PPP2R2C: variants seen among roughly 807,000 people sequenced by gnomAD.
The protein encoded by PPP2R2C is protein phosphatase 2 regulatory subunit Bgamma.
PPP2R2C carries 10 observed loss-of-function variants against 45.3 expected under a neutral mutation model. The ratio of observed to expected loss-of-function variants is 0.22; its 90% CI spans 0.14 to 0.37. The LOEUF (loss-of-function observed/expected upper bound fraction) is 0.37. PPP2R2C is among the 10% of genes least tolerant of loss of function. The probability of loss-of-function intolerance (pLI) is 1.00; values close to 1 mark genes in which losing one functional copy is unlikely to be tolerated. For missense variants in PPP2R2C, 308 were observed against 619.7 expected, an observed-to-expected ratio of 0.50 and a Z score of 5.34; for synonymous variants, 257 against 245.4, an observed-to-expected ratio of 1.05 and a Z score of -0.44.
intron 2 of PPP2R2C, among the ~76,000 whole-genome samples, chr4:6,478,237 C>A (rs1722229829): frequency 6.6e-6 from 1 of 152,164 alleles, no homozygotes; most frequent in Admixed American, 6.5e-5. Flanking sequence ...ATTGAATGGC[C>A]ACAGGGGAGG....
intron 1 of PPP2R2C, among the ~76,000 whole-genome samples, chr4:6,415,367 C>T (rs1191364145): frequency 1.3e-5 from 2 of 152,242 alleles, no homozygotes; most frequent in East Asian, 3.8e-4. Context: ...ATGCTTGCTT[C>T]ACTGTTTCTG....
At chr4:6,356,958 C>T (rs901362441) in intron 5 of PPP2R2C, among the ~76,000 whole-genome samples, 2 of 150,852 alleles carry the variant, frequency 1.3e-5, no homozygotes, top group Admixed American at 6.6e-5. Flanking sequence ...TCTGCTGTGG[C>T]ACCTCGGGCC....
At chr4:6,383,089 G>A (rs2109318324) in intron 1 of PPP2R2C, 11 of 1,092,392 alleles carry the variant, frequency 1.0e-5, no homozygotes, top group East Asian at 8.5e-5. Context: ...CCTGCAGAAC[G>A]GCAATTCGAC....
intron 7 of PPP2R2C, 106 bp downstream of exon 7, chr4:6,333,456 T>C: frequency 2.3e-6 from 3 of 1,303,056 alleles, no homozygotes; most frequent in South Asian, 1.4e-5. Context: ...TTCACCTACA[T>C]ACCGGGCATA....
At chr4:6,515,279 G>A (rs947551815) in intron 2 of PPP2R2C, among the ~76,000 whole-genome samples, 7 of 152,136 alleles carry the variant, frequency 4.6e-5, no homozygotes, top group East Asian at 1.9e-4. Flanking sequence ...TTTGACAACC[G>A]AACACTCTCA....
In PPP2R2C at chr4:6,469,131, A is replaced by C. The variant is rs552250822; in HGVS notation, c.70+3029T>G. 1.9e-4 allele frequency among the ~76,000 whole-genome samples: 29 copies of C among 151,154 alleles called. 1 individual carries two copies. The South Asian group carries it at 6.1e-3, about 32-fold the overall frequency. The stretch of plus-strand genomic sequence containing the variant: ...ATCCAACCTGCTCTGACGAATTCAC[A>C]CCAAGATGTGAATGACTAACAAAAC... On this transcript the variant is annotated intron_variant, in intron 1 of 8. Transcript: ENST00000382599.
intron 6 of PPP2R2C, among the ~76,000 whole-genome samples, chr4:6,342,177 T>C (rs1312296651): frequency 6.6e-6 from 1 of 151,852 alleles, no homozygotes; most frequent in Non-Finnish European, 1.5e-5. Context: ...AAGTTAGGTA[T>C]GTCACAAATG....
chr4:6,517,432 G>A (rs980996945), intron 2 of PPP2R2C, among the ~76,000 whole-genome samples: 2 of 152,144 alleles, frequency 1.3e-5, no homozygotes, highest in African/African-American at 2.4e-5. Flanking sequence ...GCAATGATAA[G>A]AGGGACTACT....
chr4:6,519,288 C>T (rs1723938818), intron 2 of PPP2R2C, among the ~76,000 whole-genome samples: 1 of 152,162 alleles, frequency 6.6e-6, no homozygotes, highest in Non-Finnish European at 1.5e-5. Flanking sequence ...CCCACGGCAC[C>T]TAGGAAAGAA....
intron 1 of PPP2R2C, among the ~76,000 whole-genome samples, chr4:6,390,951 G>A (rs1322430840): frequency 6.6e-6 from 1 of 152,184 alleles, no homozygotes; most frequent in Non-Finnish European, 1.5e-5. Context: ...GTGGAGATGG[G>A]GCAGCTCCCA....
chr4:6,441,762 G>A lies in PPP2R2C; in HGVS notation c.70+30398C>T, dbSNP rs560899506. On this transcript the variant is annotated intron_variant, in intron 1 of 8. Transcript: ENST00000382599. ...GGTGCTGTAGAAAGGAGGGGATGGG[G>A]CCCAGCCACACACATGCAACACGAT... Among the ~76,000 whole-genome samples the A allele has an allele frequency of 2.0e-5, 3 of 152,280 alleles. No homozygotes were observed. The South Asian group carries it at 6.2e-4, about 32-fold the overall frequency.
At chr4:6,511,441 ACGGTGG>A in intron 2 of PPP2R2C, among the ~76,000 whole-genome samples, 1 of 75,420 alleles carries the variant, frequency 1.3e-5, no homozygotes, top group Non-Finnish European at 2.8e-5. Flanking sequence ...GGTGGTGGTG[ACGGTGG>A]TGGTGGTGAT....
At chr4:6,337,188 G>C (rs1733048158) in intron 6 of PPP2R2C, among the ~76,000 whole-genome samples, 1 of 117,702 alleles carries the variant, frequency 8.5e-6, no homozygotes, top group Admixed American at 1.1e-4. Flanking sequence ...TTAAGCCAAA[G>C]AAGGATCAAC....
At chr4:6,542,781 A>G (rs1283007287) in intron 1 of PPP2R2C, among the ~76,000 whole-genome samples, 1 of 152,192 alleles carries the variant, frequency 6.6e-6, no homozygotes, top group Non-Finnish European at 1.5e-5. Flanking sequence ...ATTTCTAGAA[A>G]AATACAGCTC....
intron 1 of PPP2R2C, among the ~76,000 whole-genome samples, chr4:6,421,393 C>T (rs1361784670): frequency 6.6e-6 from 1 of 152,172 alleles, no homozygotes; most frequent in Non-Finnish European, 1.5e-5. Flanking sequence ...GCTGAATCTG[C>T]AGGCCCCAAA....
chr4:6,477,640 G>A (rs1722207620), intron 2 of PPP2R2C, among the ~76,000 whole-genome samples: 1 of 150,778 alleles, frequency 6.6e-6, no homozygotes, highest in East Asian at 2.0e-4. Flanking sequence ...GCAGGAGAAG[G>A]GTGTGAACCC....
intron 1 of PPP2R2C, among the ~76,000 whole-genome samples, chr4:6,427,976 A>G (rs1332623521): frequency 6.6e-6 from 1 of 152,150 alleles, no homozygotes; most frequent in Admixed American, 6.5e-5. Flanking sequence ...CTGTTTTGTC[A>G]ATGAGGGAAC....
At chr4:6,458,992 G>C (rs796724829) in intron 1 of PPP2R2C, among the ~76,000 whole-genome samples, 23 of 152,328 alleles carry the variant, frequency 1.5e-4, no homozygotes, top group African/African-American at 5.1e-4. Context: ...TAGACAAGTA[G>C]CCTGAGAAGG....
chr4:6,381,771 C>A (rs749037280), intron 1 of PPP2R2C: 4 of 1,611,750 alleles, frequency 2.5e-6, no homozygotes, highest in Non-Finnish European at 3.4e-6. Context: ...GGAGTCACCC[C>A]CATACCTGGA....
Sources: allele counts gnomAD v4.1 joint callset (sites outside exome capture counted in the v4.1 genomes callset), GRCh38; gene constraint gnomAD v4.1.1; transcripts MANE v1.5; gene names NCBI Gene and HGNC (gene_info 2026-07-23, HGNC 2026-07-21).